Variants in P2RY8 observed in about 807,000 individuals in gnomAD.
The protein encoded by P2RY8 is S-geranylgeranyl-glutathione receptor P2RY8.
Under a neutral mutation model 10.0 loss-of-function variants are expected in P2RY8, and 6 were observed. The observed-to-expected ratio is 0.60, with a 90% CI of 0.33 to 1.19. The LOEUF (loss-of-function observed/expected upper bound fraction) is 1.19. Among genes scored for constraint, P2RY8 ranks in the 50% most tolerant of loss-of-function variants. The pLI is 0.04. For synonymous variants in P2RY8, 276 were observed against 252.5 expected, an observed-to-expected ratio of 1.09 and a Z score of -0.88; for missense variants, 456 against 542.0, an observed-to-expected ratio of 0.84 and a Z score of 1.58.
Position 1,505,683 on chromosome X carries a change from G to A in P2RY8, c.-25+31238C>T, listed in dbSNP as rs771273931. 1.4e-4 allele frequency among the ~76,000 whole-genome samples: 22 copies of A among 152,090 alleles called. No individual in the cohort carries two copies. The East Asian group carries it at 4.1e-3, about 28-fold the overall frequency. On this transcript the variant is annotated intron_variant, in intron 1 of 1. Transcript: ENST00000381297. ...CGGGCGCCTGTCATCCCAGCTACTC[G>A]GGAGGCTGAGGCAGGAGAATCGCTT...
intron 1 of P2RY8, among the ~76,000 whole-genome samples, chrX:1,505,547 T>G (rs2092224338): frequency 6.6e-6 from 1 of 152,198 alleles, no homozygotes; most frequent in East Asian, 1.9e-4. Flanking sequence ...AAAAGCCTTC[T>G]GGGAGGCCGA....
chrX:1,475,514 A>G (rs1203475767), intron 1 of P2RY8, among the ~76,000 whole-genome samples: 2 of 152,108 alleles, frequency 1.3e-5, no homozygotes, highest in Non-Finnish European at 2.9e-5. Flanking sequence ...AAGCCACCAC[A>G]TCAGTGGTAA....
At chrX:1,481,267 C>T (rs1264507546) in intron 1 of P2RY8, among the ~76,000 whole-genome samples, 1 of 152,058 alleles carries the variant, frequency 6.6e-6, no homozygotes, top group Non-Finnish European at 1.5e-5. Context: ...CTCCCGGGTT[C>T]AAGCCATTCT....
chrX:1,484,757 A>AAAAAAAT, intron 1 of P2RY8, among the ~76,000 whole-genome samples: 1 of 144,510 alleles, frequency 6.9e-6, no homozygotes, highest in East Asian at 2.0e-4. Flanking sequence ...AAGAAGAAGA[A>AAAAAAAT]GAAGAAGAAG....
chrX:1,502,531 C>T (rs1471112717), intron 1 of P2RY8, among the ~76,000 whole-genome samples: 2 of 152,142 alleles, frequency 1.3e-5, no homozygotes, highest in East Asian at 3.9e-4. Flanking sequence ...GTGAGCCGCC[C>T]CTGTCCCTAC....
intron 1 of P2RY8, among the ~76,000 whole-genome samples, chrX:1,471,419 C>T (rs1256259518): frequency 1.3e-5 from 2 of 149,458 alleles, no homozygotes; most frequent in Admixed American, 1.3e-4. Flanking sequence ...CCTCCTCGGC[C>T]TCCCAAAGTG....
intron 1 of P2RY8, among the ~76,000 whole-genome samples, chrX:1,525,991 G>A (rs1452015378): frequency 1.4e-5 from 2 of 147,810 alleles, no homozygotes; most frequent in Non-Finnish European, 3.0e-5. Flanking sequence ...ATTTATTCAT[G>A]CATCCATTCA....
At chrX:1,489,560 TAG>T (rs1214159731) in intron 1 of P2RY8, among the ~76,000 whole-genome samples, 5 of 152,006 alleles carry the variant, frequency 3.3e-5, no homozygotes, top group Admixed American at 6.6e-5. Context: ...TCTGCAAATG[TAG>T]AGAGAATGAA....
chrX:1,507,598 G>A (rs1357670372), intron 1 of P2RY8, among the ~76,000 whole-genome samples: 2 of 152,016 alleles, frequency 1.3e-5, no homozygotes, highest in Non-Finnish European at 2.9e-5. Context: ...ACTGAGGCTC[G>A]GGGCCGTGAC....
At chrX:1,524,669 T>TCCACC (rs1556686043) in intron 1 of P2RY8, among the ~76,000 whole-genome samples, 1 of 51,062 alleles carries the variant, frequency 2.0e-5, no homozygotes, top group Non-Finnish European at 3.7e-5. Context: ...ATCCATCCAT[T>TCCACC]CATCCATCCA....
chrX:1,516,758 G>C (rs2092353947), intron 1 of P2RY8, among the ~76,000 whole-genome samples: 3 of 151,756 alleles, frequency 2.0e-5, no homozygotes, highest in Admixed American at 6.6e-5. Context: ...CATCTCATAA[G>C]AAGAGGAGAT....
intron 1 of P2RY8, among the ~76,000 whole-genome samples, chrX:1,534,775 C>T (rs1405446004): frequency 1.3e-5 from 2 of 152,148 alleles, no homozygotes; most frequent in Non-Finnish European, 2.9e-5. Context: ...CCACTGGCAA[C>T]AGCTACCCTG....
chrX:1,502,842 A>C (rs5948924), intron 1 of P2RY8, among the ~76,000 whole-genome samples: 2 of 139,956 alleles, frequency 1.4e-5, no homozygotes, highest in African/African-American at 2.6e-5. Flanking sequence ...ACGCGGCCAC[A>C]AGCCCAGGGA....
At chrX:1,507,339 C>G (rs1354165683) in intron 1 of P2RY8, among the ~76,000 whole-genome samples, 2 of 152,172 alleles carry the variant, frequency 1.3e-5, no homozygotes, top group East Asian at 3.9e-4. Flanking sequence ...CCACATTGTC[C>G]TTGAACACCT....
chrX:1,485,665 A>G, intron 1 of P2RY8, among the ~76,000 whole-genome samples: 1 of 147,956 alleles, frequency 6.8e-6, no homozygotes, highest in South Asian at 2.1e-4. Context: ...TTATTGTTAT[A>G]TAATAATTTA....
intron 1 of P2RY8, among the ~76,000 whole-genome samples, chrX:1,493,442 GGA>G (rs1191659404): frequency 3.8e-5 from 4 of 105,914 alleles, no homozygotes; most frequent in African/African-American, 1.3e-4. Flanking sequence ...GAGGGAAGGA[GGA>G]GGAAGGAGGA....
chrX:1,483,541 G>A (rs1475369666), intron 1 of P2RY8, among the ~76,000 whole-genome samples: 4 of 152,108 alleles, frequency 2.6e-5, no homozygotes, highest in African/African-American at 7.2e-5. Flanking sequence ...GGCTGAGGCA[G>A]GAGAATTGCT....
At chrX:1,532,370 C>CACACATAT (rs2092482244) in intron 1 of P2RY8, among the ~76,000 whole-genome samples, 7 of 143,168 alleles carry the variant, frequency 4.9e-5, no homozygotes, top group Admixed American at 1.4e-4. Flanking sequence ...TACACATATA[C>CACACATAT]GTATATGATG....
chrX:1,504,719 G>A (rs2092214256), intron 1 of P2RY8, among the ~76,000 whole-genome samples: 1 of 152,170 alleles, frequency 6.6e-6, no homozygotes. Flanking sequence ...GGGTGTTGTG[G>A]CTCACGCCTG....
Sources: gnomAD v4.1 joint callset for allele counts (sites outside exome capture counted in the v4.1 genomes callset) on GRCh38, gnomAD v4.1.1 for gene constraint, MANE v1.5 for transcripts, NCBI Gene and HGNC (gene_info 2026-07-23, HGNC 2026-07-21) for gene names.